Variants in LYPLAL1 observed in about 807,000 individuals in gnomAD.
LYPLAL1 encodes lysophospholipase-like protein 1.
Under a neutral mutation model 19.7 loss-of-function variants are expected in LYPLAL1, and 23 were observed. The observed-to-expected ratio is 1.17, with a 90% CI of 0.84 to 1.65. LYPLAL1 has a LOEUF of 1.65. LYPLAL1 is among the 40% of genes most tolerant of loss of function. The pLI, the probability that LYPLAL1 is intolerant of heterozygous loss-of-function variation, is 0.00. For synonymous variants in LYPLAL1, 119 were observed against 96.3 expected (o/e 1.24, Z -1.38); for missense variants, 355 against 279.4 (o/e 1.27, Z -1.93).
chr1:219,203,351 T>A (rs972696543), intron 3 of LYPLAL1, among the ~76,000 whole-genome samples: 2 of 152,106 alleles, frequency 1.3e-5, no homozygotes, highest in African/African-American at 2.4e-5. Context: ...GTGTCTAGCT[T>A]GGACAGGTCA....
the LYPLAL1 span, among the ~76,000 whole-genome samples, chr1:219,338,434 G>T: frequency 0.99 from 151,009 of 152,096 alleles, 74,980 homozygotes; most frequent in Middle Eastern, 1. Flanking sequence ...ACATTCTGTT[G>T]TTGCTTAAGT....
chr1:219,194,365 A>G (rs1409944979), intron 3 of LYPLAL1, among the ~76,000 whole-genome samples: 1 of 151,984 alleles, frequency 6.6e-6, no homozygotes, highest in African/African-American at 2.4e-5. Context: ...AATTCCAAAC[A>G]TGTGAATCAT....
the LYPLAL1 span, among the ~76,000 whole-genome samples, chr1:219,411,494 C>T: frequency 1.3e-5 from 2 of 152,028 alleles, no homozygotes; most frequent in African/African-American, 2.4e-5. Flanking sequence ...GGATTGTAAA[C>T]GCACCAATAA....
the LYPLAL1 span, among the ~76,000 whole-genome samples, chr1:219,428,365 G>A: frequency 6.6e-6 from 1 of 152,128 alleles, no homozygotes; most frequent in Non-Finnish European, 1.5e-5. Context: ...TTTCAAAACC[G>A]AAAGTTTGTA....
At chr1:219,419,576 C>CAT in the LYPLAL1 span, among the ~76,000 whole-genome samples, 4 of 115,834 alleles carry the variant, frequency 3.5e-5, no homozygotes, top group East Asian at 4.3e-4. Flanking sequence ...CACACACACA[C>CAT]ACACACACAC....
At chr1:219,352,257 G>A in the LYPLAL1 span, among the ~76,000 whole-genome samples, 9 of 152,178 alleles carry the variant, frequency 5.9e-5, no homozygotes, top group African/African-American at 1.9e-4. Context: ...GGGGCCAGGC[G>A]CGGTGGCTCA....
the LYPLAL1 span, among the ~76,000 whole-genome samples, chr1:219,419,984 G>A: frequency 9.8e-5 from 15 of 152,312 alleles, no homozygotes; most frequent in African/African-American, 2.9e-4. Flanking sequence ...ACAGGGACCA[G>A]GTCCCCTTGC....
the LYPLAL1 span, among the ~76,000 whole-genome samples, chr1:219,357,384 A>G: frequency 1.3e-5 from 2 of 152,220 alleles, no homozygotes. Context: ...CAGTAAGAAA[A>G]CAAGGAACAT....
the LYPLAL1 span, among the ~76,000 whole-genome samples, chr1:219,256,476 C>T: frequency 6.6e-6 from 1 of 150,944 alleles, no homozygotes; most frequent in African/African-American, 2.4e-5. Context: ...TTCTTCCTTT[C>T]TCTCTCTCTC....
At chr1:219,334,551 G>C in the LYPLAL1 span, among the ~76,000 whole-genome samples, 6 of 151,682 alleles carry the variant, frequency 4.0e-5, no homozygotes, top group Admixed American at 1.3e-4. Flanking sequence ...GTGTGTGTGT[G>C]TGTGTGTGTT....
chr1:219,197,866 A>G (rs1208745101), intron 3 of LYPLAL1, among the ~76,000 whole-genome samples: 1 of 152,038 alleles, frequency 6.6e-6, no homozygotes, highest in Non-Finnish European at 1.5e-5. Context: ...GAAGTTAAAC[A>G]CACATATAAA....
chr1:219,329,607 AAAG>A, the LYPLAL1 span, among the ~76,000 whole-genome samples: 16 of 152,312 alleles, frequency 1.1e-4, no homozygotes, highest in Admixed American at 1.0e-3. Context: ...TATGCATTTC[AAAG>A]AAGGCATGAG....
chr1:219,252,101 A>T, the LYPLAL1 span, among the ~76,000 whole-genome samples: 109 of 152,130 alleles, frequency 7.2e-4, 1 homozygote, highest in South Asian at 0.022. Flanking sequence ...TTGTTGGTTT[A>T]TAGGAATGCT....
chr1:219,331,103 T>A, the LYPLAL1 span, among the ~76,000 whole-genome samples: 715 of 152,306 alleles, frequency 4.7e-3, 9 homozygotes, highest in African/African-American at 0.016. Context: ...CTTGCCAGTA[T>A]ACCGTAAAGC....
the LYPLAL1 span, among the ~76,000 whole-genome samples, chr1:219,375,642 A>C: frequency 6.6e-6 from 1 of 152,098 alleles, no homozygotes; most frequent in African/African-American, 2.4e-5. Context: ...ATACATAAAC[A>C]TTTATCCTAA....
At chr1:219,385,323 G>C in the LYPLAL1 span, among the ~76,000 whole-genome samples, 1 of 152,164 alleles carries the variant, frequency 6.6e-6, no homozygotes. Flanking sequence ...GCTTCTTGCA[G>C]TTCCTCCAGC....
chr1:219,430,657 G>C, the LYPLAL1 span, among the ~76,000 whole-genome samples: 5 of 152,118 alleles, frequency 3.3e-5, no homozygotes, highest in Non-Finnish European at 7.4e-5. Flanking sequence ...GATTGCCCTT[G>C]GTTTGTGGCT....
the LYPLAL1 span, among the ~76,000 whole-genome samples, chr1:219,288,468 G>T: frequency 1.3e-5 from 2 of 152,166 alleles, no homozygotes; most frequent in Non-Finnish European, 2.9e-5. Flanking sequence ...AGGGTTTGAG[G>T]CGTGGGATAA....
the LYPLAL1 span, among the ~76,000 whole-genome samples, chr1:219,253,793 C>G: frequency 2.6e-5 from 4 of 151,888 alleles, no homozygotes; most frequent in Non-Finnish European, 2.9e-5. Flanking sequence ...CTATCAGATC[C>G]ATTTGGTCCA....
Sources: allele counts gnomAD v4.1 joint callset (sites outside exome capture counted in the v4.1 genomes callset), GRCh38; gene constraint gnomAD v4.1.1; transcripts MANE v1.5; gene names NCBI Gene and HGNC (gene_info 2026-07-23, HGNC 2026-07-21).